Variants in ABTB3 observed in about 807,000 individuals in gnomAD.
ABTB3 encodes the protein ankyrin repeat and BTB domain containing 3.
At chr12:107,456,860 CT>C in the ABTB3 span, among the ~76,000 whole-genome samples, 59 of 144,728 alleles carry the variant, frequency 4.1e-4, no homozygotes, top group Non-Finnish European at 4.3e-4. Context: ...TCTTTCTTTT[CT>C]TTTTTTTTTT....
chr12:107,583,396 T>C, the ABTB3 span, among the ~76,000 whole-genome samples: 1 of 152,196 alleles, frequency 6.6e-6, no homozygotes, highest in Non-Finnish European at 1.5e-5. Context: ...TGCCCCATTT[T>C]ACAGAGGTGG....
the ABTB3 span, among the ~76,000 whole-genome samples, chr12:107,470,581 C>A: frequency 1.3e-5 from 2 of 152,188 alleles, no homozygotes; most frequent in African/African-American, 4.8e-5. Flanking sequence ...CAGCATGGAC[C>A]CTTCATAGAC....
At chr12:107,563,350 A>AC in the ABTB3 span, among the ~76,000 whole-genome samples, 2 of 152,234 alleles carry the variant, frequency 1.3e-5, no homozygotes, top group Non-Finnish European at 2.9e-5. Flanking sequence ...TTGAGAACCT[A>AC]CAAAGTACCA....
chr12:107,606,246 C>T, the ABTB3 span, among the ~76,000 whole-genome samples: 4 of 152,240 alleles, frequency 2.6e-5, no homozygotes, highest in East Asian at 7.7e-4. Flanking sequence ...TACATCAGGA[C>T]TTGTTGTGAT....
the ABTB3 span, among the ~76,000 whole-genome samples, chr12:107,643,303 C>G: frequency 6.7e-6 from 1 of 148,304 alleles, no homozygotes; most frequent in Non-Finnish European, 1.5e-5. Flanking sequence ...ACTCAGGAGG[C>G]TGAGGCTGGA....
At chr12:107,469,090 G>C in the ABTB3 span, among the ~76,000 whole-genome samples, 5 of 152,170 alleles carry the variant, frequency 3.3e-5, no homozygotes, top group African/African-American at 1.2e-4. Context: ...GCTACCTGTG[G>C]GGCCTGAAGT....
the ABTB3 span, among the ~76,000 whole-genome samples, chr12:107,421,599 A>G: frequency 6.6e-6 from 1 of 152,236 alleles, no homozygotes; most frequent in Non-Finnish European, 1.5e-5. Context: ...CTAGCACTGA[A>G]TTGTTCGGTA....
the ABTB3 span, among the ~76,000 whole-genome samples, chr12:107,431,143 G>A: frequency 6.6e-6 from 1 of 152,194 alleles, no homozygotes; most frequent in East Asian, 1.9e-4. Context: ...GACCCAGGTG[G>A]GGGTTATGAT....
chr12:107,640,503 G>A, the ABTB3 span: 30 of 751,288 alleles, frequency 4.0e-5, no homozygotes, highest in Admixed American at 2.8e-4. Flanking sequence ...TGGTCTCTTC[G>A]CCGGACTGGC....
the ABTB3 span, chr12:107,318,993 T>G: frequency 6.2e-7 from 1 of 1,613,684 alleles, no homozygotes; most frequent in Non-Finnish European, 8.5e-7. Flanking sequence ...GATCTGACGC[T>G]GGACTCGGGT....
At chr12:107,649,356 T>C in the ABTB3 span, 1 of 1,240,160 alleles carries the variant, frequency 8.1e-7, no homozygotes, top group Non-Finnish European at 1.2e-6. Context: ...CCAGCCTGCA[T>C]GGAAGTGTCT....
the ABTB3 span, among the ~76,000 whole-genome samples, chr12:107,464,473 G>A: frequency 6.6e-6 from 1 of 152,188 alleles, no homozygotes; most frequent in East Asian, 1.9e-4. Flanking sequence ...ACCATGTCTG[G>A]CTAGTGTTTT....
the ABTB3 span, among the ~76,000 whole-genome samples, chr12:107,403,889 G>A: frequency 1.3e-5 from 2 of 152,076 alleles, no homozygotes; most frequent in Non-Finnish European, 2.9e-5. Flanking sequence ...ATGGCCGGGC[G>A]CGGTGGCTCA....
At chr12:107,403,014 G>A in the ABTB3 span, among the ~76,000 whole-genome samples, 1 of 152,206 alleles carries the variant, frequency 6.6e-6, no homozygotes. Flanking sequence ...CATGGATCCT[G>A]CTCCTTCTTC....
the ABTB3 span, among the ~76,000 whole-genome samples, chr12:107,513,058 T>C: frequency 1.3e-5 from 2 of 152,236 alleles, no homozygotes; most frequent in East Asian, 3.8e-4. Context: ...TAATAAATGT[T>C]GGATTTCCTA....
the ABTB3 span, among the ~76,000 whole-genome samples, chr12:107,368,452 T>C: frequency 3.9e-5 from 6 of 152,360 alleles, no homozygotes; most frequent in East Asian, 7.7e-4. Flanking sequence ...GACTATCACA[T>C]AGTTGGCACC....
the ABTB3 span, among the ~76,000 whole-genome samples, chr12:107,491,703 G>C: frequency 3.9e-5 from 6 of 152,064 alleles, no homozygotes; most frequent in African/African-American, 1.2e-4. Flanking sequence ...TGCGCCTGTA[G>C]TCGCAGCTAC....
chr12:107,371,800 C>T, the ABTB3 span, among the ~76,000 whole-genome samples: 8 of 152,288 alleles, frequency 5.3e-5, no homozygotes, highest in East Asian at 1.5e-3. Flanking sequence ...ATACTTGGTA[C>T]TTCTGCCACT....
the ABTB3 span, among the ~76,000 whole-genome samples, chr12:107,479,009 C>T: frequency 6.6e-6 from 1 of 152,200 alleles, no homozygotes; most frequent in Non-Finnish European, 1.5e-5. Context: ...GTCCCACCTC[C>T]TTTTCCCTCC....
Sources: allele counts gnomAD v4.1 joint callset (sites outside exome capture counted in the v4.1 genomes callset), GRCh38; gene constraint gnomAD v4.1.1; transcripts MANE v1.5; gene names NCBI Gene and HGNC (gene_info 2026-07-23, HGNC 2026-07-21).